Variants in CACNA2D3 observed in about 807,000 individuals in gnomAD.
The protein encoded by CACNA2D3 is calcium voltage-gated channel auxiliary subunit alpha2delta 3.
CACNA2D3 carries 60 observed loss-of-function variants against 160.6 expected under a neutral mutation model. That is an observed-to-expected ratio of 0.37 (90% confidence interval 0.30 to 0.46). The LOEUF is 0.46. CACNA2D3 is among the 20% of genes least tolerant of loss of function. CACNA2D3 has a pLI of 1.00. For synonymous variants in CACNA2D3, 558 were observed against 492.9 expected (o/e 1.13, Z -1.75); for missense variants, 1,205 against 1,365.0 (o/e 0.88, Z 1.85).
chr3:54,795,223 T>C (rs1702843722), intron 13 of CACNA2D3, among the ~76,000 whole-genome samples: 2 of 152,214 alleles, frequency 1.3e-5, no homozygotes, highest in African/African-American at 2.4e-5. Context: ...TTTTAAACTT[T>C]AGGAGTTCCA....
At chr3:54,804,960 A>G (rs1341216752) in intron 13 of CACNA2D3, among the ~76,000 whole-genome samples, 1 of 152,246 alleles carries the variant, frequency 6.6e-6, no homozygotes, top group Non-Finnish European at 1.5e-5. Flanking sequence ...TACTGGGTAC[A>G]GAACGAAATG....
chr3:54,408,322 C>T (rs935716416), intron 4 of CACNA2D3, among the ~76,000 whole-genome samples: 8 of 152,002 alleles, frequency 5.3e-5, no homozygotes, highest in Non-Finnish European at 8.8e-5. Context: ...CACATAATAT[C>T]GTAATTTTCC....
At chr3:54,943,597 A>C (rs1310562671) in intron 27 of CACNA2D3, among the ~76,000 whole-genome samples, 2 of 152,100 alleles carry the variant, frequency 1.3e-5, no homozygotes, top group Non-Finnish European at 2.9e-5. Flanking sequence ...TGGATTAGAA[A>C]ATCCCCTGGT....
chr3:54,172,523 G>A (rs891198234), intron 2 of CACNA2D3, among the ~76,000 whole-genome samples: 3 of 152,192 alleles, frequency 2.0e-5, no homozygotes, highest in Non-Finnish European at 2.9e-5. Context: ...GCAAGTGCGG[G>A]CCTAGAACCC....
intron 2 of CACNA2D3, among the ~76,000 whole-genome samples, chr3:54,289,728 G>C (rs1035261388): frequency 1.3e-5 from 2 of 152,124 alleles, no homozygotes; most frequent in African/African-American, 4.8e-5. Flanking sequence ...CAATGGAACA[G>C]AACAGAGCCC....
intron 11 of CACNA2D3, among the ~76,000 whole-genome samples, chr3:54,708,186 T>G (rs1252998732): frequency 6.6e-6 from 1 of 152,240 alleles, no homozygotes; most frequent in Admixed American, 6.5e-5. Context: ...AGTGAAACTT[T>G]TCTGGATTTC....
chr3:54,743,953 T>C (rs952409891), intron 11 of CACNA2D3, among the ~76,000 whole-genome samples: 1 of 152,230 alleles, frequency 6.6e-6, no homozygotes, highest in Non-Finnish European at 1.5e-5. Context: ...AGCACTGTGC[T>C]GGATTCTACA....
At chr3:54,588,860 TA>T (rs1319000732) in intron 9 of CACNA2D3, among the ~76,000 whole-genome samples, 1 of 151,708 alleles carries the variant, frequency 6.6e-6, no homozygotes, top group Non-Finnish European at 1.5e-5. Context: ...GTAAAGGTGT[TA>T]TTTTTTTTCA....
At chr3:54,474,703 T>C (rs2106882828) in intron 4 of CACNA2D3, among the ~76,000 whole-genome samples, 1 of 151,944 alleles carries the variant, frequency 6.6e-6, no homozygotes, top group South Asian at 2.1e-4. Context: ...AATGAGACCA[T>C]CAGGAACAAA....
chr3:54,863,656 G>T (rs141547695), intron 17 of CACNA2D3, among the ~76,000 whole-genome samples: 1 of 152,056 alleles, frequency 6.6e-6, no homozygotes, highest in African/African-American at 2.4e-5. Flanking sequence ...TGGCTACCCA[G>T]AGGACACTGA....
chr3:54,594,911 C>T (rs556085638), intron 9 of CACNA2D3, among the ~76,000 whole-genome samples: 11 of 152,216 alleles, frequency 7.2e-5, no homozygotes, highest in South Asian at 2.1e-4. Flanking sequence ...TCAGTAAGTG[C>T]GCAACCACAT....
chr3:54,899,886 T>C lies in CACNA2D3; in HGVS notation c.2449+18T>C. The C allele has an allele frequency of 6.4e-7, 1 of 1,556,322 alleles. No individual in the cohort carries two copies. The highest frequency in any genetic ancestry group is 8.8e-7 in the Non-Finnish European group (1 of 1,139,488). The stretch of plus-strand genomic sequence containing the variant: ...GGTGGCAGGTAAATAATTGATTGAA[T>C]CCATGAAGACAAAGTAAGCATGGCG... On this transcript the variant is annotated intron_variant, in intron 27 of 37. Coordinates refer to ENST00000474759, the MANE Select transcript of CACNA2D3 (RefSeq NM_018398.3).
chr3:54,813,800 A>G (rs370053864), intron 13 of CACNA2D3, among the ~76,000 whole-genome samples: 11 of 152,124 alleles, frequency 7.2e-5, no homozygotes, highest in African/African-American at 2.4e-4. Context: ...ATAGAAAAAA[A>G]GCGCAGGGAA....
chr3:55,004,960 C>T, intron 32 of CACNA2D3, 122 bp downstream of exon 32: 2 of 609,462 alleles, frequency 3.3e-6, no homozygotes, highest in South Asian at 2.3e-5. Context: ...AACATTTTGA[C>T]TTTACTCACT....
Position 54,436,185 on chromosome 3 carries a change from C to A in CACNA2D3, c.381+49411C>A, listed in dbSNP as rs1700057066. Among the ~76,000 whole-genome samples the A allele has an allele frequency of 2.0e-5, 3 of 152,192 alleles. No individual in the cohort carries two copies. In the South Asian group the frequency reaches 6.2e-4, roughly 32 times the overall value. ...AACAAACATATTAAAAAAAACTCAT[C>A]ATCACTGGTCATTAGAAAAATGCAA... is the stretch of plus-strand genomic sequence containing the variant. On this transcript the variant is annotated intron_variant, in intron 4 of 37. Transcript: ENST00000474759.
intron 35 of CACNA2D3, among the ~76,000 whole-genome samples, chr3:55,065,667 AAGAAAGAAG>A: frequency 6.6e-6 from 1 of 151,672 alleles, no homozygotes; most frequent in African/African-American, 2.4e-5. Flanking sequence ...ACCATGTCGA[AAGAAAGAAG>A]AGAGAGGAGG....
intron 2 of CACNA2D3, among the ~76,000 whole-genome samples, chr3:54,302,854 T>C (rs1703510234): frequency 6.6e-6 from 1 of 151,982 alleles, no homozygotes; most frequent in African/African-American, 2.4e-5. Context: ...CTCTCCTCCC[T>C]GCTCTCATCT....
Position 54,584,551 on chromosome 3 carries a change from A to T in CACNA2D3, c.963+2674A>T, listed in dbSNP as rs541767250. On this transcript the variant is annotated intron_variant, in intron 9 of 37. Transcript: ENST00000474759. ...GGGACTTGAGGGACAATAACAAAAA[A>T]ATATAACATTAATTACATCAAAGTC... 1.7e-3 allele frequency among the ~76,000 whole-genome samples: 252 copies of T among 152,258 alleles called. 1 individual carries two copies. Among genetic ancestry groups the T allele is most frequent in the African/African-American group, 5.4e-3 (223 of 41,562 alleles).
At chr3:54,811,544 C>CTGGAGTGCAG (rs1463362447) in intron 13 of CACNA2D3, among the ~76,000 whole-genome samples, 1 of 134,830 alleles carries the variant, frequency 7.4e-6, no homozygotes, top group Non-Finnish European at 1.5e-5. Flanking sequence ...GTCACCCAGG[C>CTGGAGTGCAG]TGGAGTGCAG....
Sources: allele counts gnomAD v4.1 joint callset (sites outside exome capture counted in the v4.1 genomes callset), GRCh38; gene constraint gnomAD v4.1.1; transcripts MANE v1.5; gene names NCBI Gene and HGNC (gene_info 2026-07-23, HGNC 2026-07-21).